KLHL1: variants seen among roughly 807,000 people sequenced by gnomAD.
The protein encoded by KLHL1 is kelch like family member 1, also known as kelch-like protein 1.
KLHL1 carries 47 observed loss-of-function variants against 77.7 expected under a neutral mutation model. The ratio of observed to expected loss-of-function variants is 0.60; its 90% CI spans 0.48 to 0.77. The LOEUF is 0.77. Among genes scored for constraint, KLHL1 ranks in the 30% least tolerant of loss-of-function variants. The pLI is 0.00. For synonymous variants in KLHL1, 360 were observed against 325.2 expected, an observed-to-expected ratio of 1.11 and a Z score of -1.15; for missense variants, 925 against 910.8, an observed-to-expected ratio of 1.02 and a Z score of -0.20.
chr13:69,824,274 T>TA (rs1335409552), intron 6 of KLHL1, among the ~76,000 whole-genome samples: 1 of 151,978 alleles, frequency 6.6e-6, no homozygotes, highest in Non-Finnish European at 1.5e-5. Context: ...GAAAAGACCA[T>TA]AAAAAAGCAA....
At chr13:70,027,447 T>C (rs1010415076) in intron 1 of KLHL1, among the ~76,000 whole-genome samples, 1 of 152,004 alleles carries the variant, frequency 6.6e-6, no homozygotes, top group Non-Finnish European at 1.5e-5. Context: ...GGTAGAACTA[T>C]GCAGTCACAA....
intron 1 of KLHL1, among the ~76,000 whole-genome samples, chr13:70,053,397 G>C (rs897424297): frequency 6.6e-6 from 1 of 151,854 alleles, no homozygotes; most frequent in Non-Finnish European, 1.5e-5. Flanking sequence ...TGCAAGAGAC[G>C]GACAGCTCTG....
intron 1 of KLHL1, among the ~76,000 whole-genome samples, chr13:70,036,040 T>A (rs931232741): frequency 6.6e-6 from 1 of 151,972 alleles, no homozygotes; most frequent in Non-Finnish European, 1.5e-5. Flanking sequence ...TTTCAGTGAT[T>A]ACACAGAATC....
At position 69,918,431 on chromosome 13, in the gene KLHL1, T is replaced by A. The variant is rs371251075; in HGVS notation, c.1014+21609A>T. Among the ~76,000 whole-genome samples, 7 of 152,120 alleles carry A rather than the reference T, an allele frequency of 4.6e-5. No individual in the cohort carries two copies. In the East Asian group the frequency reaches 1.2e-3, roughly 25 times the overall value. On this transcript the variant is annotated intron_variant, in intron 4 of 10. Transcript: ENST00000377844. Reference sequence around the variant, plus strand: ...ATTTAATATGGCATAAACTTTTATATGCACTGTTTATTTTTTCCTGGACAA... The same window carrying A: ...ATTTAATATGGCATAAACTTTTATAAGCACTGTTTATTTTTTCCTGGACAA...
chr13:69,733,136 G>C (rs1873622710), intron 8 of KLHL1, among the ~76,000 whole-genome samples: 1 of 151,730 alleles, frequency 6.6e-6, no homozygotes, highest in South Asian at 2.1e-4. Flanking sequence ...TGACTGTTCT[G>C]ATTTCTGGCT....
chr13:69,862,034 T>G (rs1197698499), intron 5 of KLHL1, among the ~76,000 whole-genome samples: 1 of 145,138 alleles, frequency 6.9e-6, no homozygotes, highest in Non-Finnish European at 1.5e-5. Flanking sequence ...AGCAAATACT[T>G]GAAGTTGATT....
intron 7 of KLHL1, among the ~76,000 whole-genome samples, chr13:69,750,766 T>G (rs1359029455): frequency 6.6e-6 from 1 of 152,030 alleles, no homozygotes; most frequent in African/African-American, 2.4e-5. Context: ...TTTTTTTGCT[T>G]GAGCCATAGA....
At chr13:69,795,324 C>A (rs1285981562) in intron 7 of KLHL1, among the ~76,000 whole-genome samples, 1 of 152,046 alleles carries the variant, frequency 6.6e-6, no homozygotes, top group Non-Finnish European at 1.5e-5. Flanking sequence ...GACATGAATG[C>A]AAAATACAGT....
chr13:69,920,907 T>TA (rs1230015972), intron 4 of KLHL1, among the ~76,000 whole-genome samples: 28 of 152,114 alleles, frequency 1.8e-4, no homozygotes, highest in African/African-American at 6.5e-4. Context: ...AAATAAAAAA[T>TA]ACATAAGCAG....
intron 7 of KLHL1, among the ~76,000 whole-genome samples, chr13:69,768,802 C>T: frequency 6.6e-6 from 1 of 152,044 alleles, no homozygotes. Context: ...CTAGATCCTA[C>T]TCACTAAAAG....
chr13:70,095,360 T>C (rs1373400287), intron 1 of KLHL1, among the ~76,000 whole-genome samples: 2 of 152,128 alleles, frequency 1.3e-5, no homozygotes, highest in Non-Finnish European at 2.9e-5. Context: ...GACTACATAA[T>C]TGTGGAACCT....
At position 69,740,607 on chromosome 13, in the gene KLHL1, A is replaced by G. The variant is rs1386257221; in HGVS notation, c.1640-51T>C. The G allele has an allele frequency of 2.2e-6, 3 of 1,375,858 alleles. No individual in the cohort carries two copies. In the African/African-American group the frequency reaches 4.3e-5, roughly 20 times the overall value. 85.2% of individuals were successfully genotyped at this position (1,375,858 alleles called of 1,614,324 possible). On this transcript the variant is annotated intron_variant, in intron 7 of 10. Transcript: ENST00000377844. Reference sequence around the variant, plus strand: ...GTGCCTATAGTTAATATCATATTGTACATTTAAAAATCTGTTAAGTGGGTA... The same window carrying G: ...GTGCCTATAGTTAATATCATATTGTGCATTTAAAAATCTGTTAAGTGGGTA...
At chr13:69,976,292 C>T (rs1884543376) in intron 1 of KLHL1, among the ~76,000 whole-genome samples, 1 of 151,868 alleles carries the variant, frequency 6.6e-6, no homozygotes, top group South Asian at 2.1e-4. Flanking sequence ...TCAAGTAATA[C>T]TGACAATTAA....
chr13:69,984,891 A>T (rs1019135495), intron 1 of KLHL1, among the ~76,000 whole-genome samples: 3 of 151,986 alleles, frequency 2.0e-5, no homozygotes, highest in African/African-American at 4.8e-5. Context: ...GGCGGATCGC[A>T]TGATGTCAGG....
chr13:69,754,284 T>G (rs1348145278), intron 7 of KLHL1, among the ~76,000 whole-genome samples: 1 of 152,154 alleles, frequency 6.6e-6, no homozygotes, highest in Non-Finnish European at 1.5e-5. Context: ...AAAAATATAT[T>G]ATCACATATT....
chr13:70,025,731 G>A (rs1260047870), intron 1 of KLHL1, among the ~76,000 whole-genome samples: 10 of 151,462 alleles, frequency 6.6e-5, no homozygotes, highest in African/African-American at 2.4e-4. Context: ...ATTAAAATAT[G>A]CATGTTTTAA....
chr13:69,970,435 A>T (rs1156660685), intron 2 of KLHL1, among the ~76,000 whole-genome samples: 1 of 152,070 alleles, frequency 6.6e-6, no homozygotes, highest in Non-Finnish European at 1.5e-5. Context: ...TGTAAAATCC[A>T]TCTTTCTCTT....
At chr13:69,995,548 C>T (rs1193266896) in intron 1 of KLHL1, among the ~76,000 whole-genome samples, 1 of 152,064 alleles carries the variant, frequency 6.6e-6, no homozygotes, top group Non-Finnish European at 1.5e-5. Flanking sequence ...AGAAAGAATG[C>T]TGTAAAATTG....
At chr13:70,075,945 T>G (rs142668332) in intron 1 of KLHL1, among the ~76,000 whole-genome samples, 43 of 151,008 alleles carry the variant, frequency 2.8e-4, no homozygotes, top group African/African-American at 1.0e-3. Flanking sequence ...GCATACAAGA[T>G]CTATATGAGA....
Sources: gnomAD v4.1 joint callset for allele counts (sites outside exome capture counted in the v4.1 genomes callset) on GRCh38, gnomAD v4.1.1 for gene constraint, MANE v1.5 for transcripts, NCBI Gene and HGNC (gene_info 2026-07-23, HGNC 2026-07-21) for gene names.